The following ELP3 variants were observed in gnomAD, a reference collection of about 807,000 sequenced individuals.
ELP3 encodes the protein elongator acetyltransferase complex subunit 3.
Under a neutral mutation model 74.9 loss-of-function variants are expected in ELP3, and 56 were observed. The observed-to-expected ratio is 0.75, with a 90% CI of 0.60 to 0.93. ELP3 has a LOEUF of 0.93. Among genes scored for constraint, ELP3 ranks in the 40% least tolerant of loss-of-function variants. The pLI is 0.00. For synonymous variants in ELP3, 222 were observed against 239.8 expected (o/e 0.93, Z 0.68); for missense variants, 573 against 686.5 (o/e 0.83, Z 1.85).
intron 7 of ELP3, among the ~76,000 whole-genome samples, chr8:28,128,372 A>C (rs952814130): frequency 2.0e-5 from 3 of 152,132 alleles, no homozygotes; most frequent in Non-Finnish European, 2.9e-5. Context: ...GCTACTCGGG[A>C]GGCTGAAGCA....
At chr8:28,136,891 G>A (rs1813010973) in intron 9 of ELP3, among the ~76,000 whole-genome samples, 1 of 152,248 alleles carries the variant, frequency 6.6e-6, no homozygotes, top group Non-Finnish European at 1.5e-5. Context: ...AATGCCTGGT[G>A]TCTCATTGCT....
At chr8:28,154,846 T>C (rs1475469951) in intron 10 of ELP3, among the ~76,000 whole-genome samples, 2 of 152,220 alleles carry the variant, frequency 1.3e-5, no homozygotes, top group Non-Finnish European at 2.9e-5. Flanking sequence ...TATGTCACTC[T>C]CAGTTTGAAA....
In ELP3 at chr8:28,139,711, G is replaced by A. The variant is rs1011105231; in HGVS notation, c.1100+1820G>A. ...TGCAATCCCAGCATTTTGGGAGGCC[G>A]AAGTGGGCGGATTACCTGAGGTCAG... On this transcript the variant is annotated intron_variant, in intron 10 of 14. Transcript: ENST00000256398. Among the ~76,000 whole-genome samples the A allele has an allele frequency of 3.3e-5, 5 of 152,290 alleles. No homozygotes were observed. In the South Asian group the frequency reaches 8.3e-4, roughly 25 times the overall value.
At chr8:28,094,930 T>C (rs935908363) in intron 1 of ELP3, among the ~76,000 whole-genome samples, 10 of 152,222 alleles carry the variant, frequency 6.6e-5, no homozygotes, top group Admixed American at 6.5e-4. Context: ...TTTGTACCGA[T>C]AATATTCTTA....
At chr8:28,154,156 T>G (rs1354810864) in intron 10 of ELP3, among the ~76,000 whole-genome samples, 2 of 152,214 alleles carry the variant, frequency 1.3e-5, no homozygotes, top group African/African-American at 4.8e-5. Flanking sequence ...TGAGTTATAG[T>G]GCTGTGGCCA....
At chr8:28,115,037 A>C (rs1812069143) in intron 7 of ELP3, among the ~76,000 whole-genome samples, 1 of 152,132 alleles carries the variant, frequency 6.6e-6, no homozygotes, top group Admixed American at 6.5e-5. Flanking sequence ...CAAGCCTGAC[A>C]CTAAGGTTTT....
At chr8:28,108,218 A>C (rs1000054473) in intron 5 of ELP3, among the ~76,000 whole-genome samples, 1 of 152,194 alleles carries the variant, frequency 6.6e-6, no homozygotes, top group Non-Finnish European at 1.5e-5. Context: ...ATGCTGTTCT[A>C]AGTGCTTTAC....
At chr8:28,187,338 T>C (rs1421415447) in intron 14 of ELP3, among the ~76,000 whole-genome samples, 2 of 152,198 alleles carry the variant, frequency 1.3e-5, no homozygotes, top group African/African-American at 2.4e-5. Flanking sequence ...ATATTTACCG[T>C]GTACCTCACA....
At chr8:28,180,723 C>T (rs891949399) in intron 14 of ELP3, among the ~76,000 whole-genome samples, 7 of 152,194 alleles carry the variant, frequency 4.6e-5, no homozygotes, top group South Asian at 2.1e-4. Context: ...ATCTCAGAGT[C>T]GTAGTTGTCT....
intron 14 of ELP3, among the ~76,000 whole-genome samples, chr8:28,168,213 A>G (rs1485082537): frequency 6.6e-6 from 1 of 152,242 alleles, no homozygotes; most frequent in Non-Finnish European, 1.5e-5. Context: ...ATTATTGAAT[A>G]GGCCACTAAT....
intron 13 of ELP3, among the ~76,000 whole-genome samples, chr8:28,161,218 G>A (rs1814072072): frequency 6.6e-6 from 1 of 152,142 alleles, no homozygotes; most frequent in African/African-American, 2.4e-5. Context: ...CCTAATGGCG[G>A]ATATGATATA....
At chr8:28,179,813 C>T (rs1306962399) in intron 14 of ELP3, among the ~76,000 whole-genome samples, 1 of 152,070 alleles carries the variant, frequency 6.6e-6, no homozygotes, top group Non-Finnish European at 1.5e-5. Flanking sequence ...GGTTACTGCT[C>T]CTCAGGCAGT....
rs150280137 is a variant in ELP3 at position 28,112,878 on chromosome 8, A to G, written c.463-141A>G. 8.4e-4 allele frequency: 539 copies of G among 637,914 alleles called. 3 individuals carry two copies. In the African/African-American group the frequency reaches 9.6e-3, roughly 11 times the overall value. The allele number at this position is 637,914 out of a possible 1,614,324, so 39.5% of individuals were successfully genotyped here. ...AGACTTGGGCCTATTTTTTATCCAC[A>G]GAATTAGCTAAGTGTGTTTCATTAC... On this transcript the variant is annotated intron_variant, in intron 6 of 14. Coordinates refer to ENST00000256398, the MANE Select transcript of ELP3 (RefSeq NM_018091.6).
intron 7 of ELP3, among the ~76,000 whole-genome samples, chr8:28,116,175 T>C (rs1812124724): frequency 3.3e-5 from 5 of 152,142 alleles, no homozygotes; most frequent in Admixed American, 3.3e-4. Flanking sequence ...CTTAACTTCC[T>C]TTGTTCTCCT....
rs544020304 is a variant in ELP3, at chr8:28,127,086, G to A, written c.618-2416G>A. On this transcript the variant is annotated intron_variant, in intron 7 of 14. Transcript: ENST00000256398. ...GCTGCAAAAGGTAATGACATTTCCC[G>A]CCTGAGGAAAAACATTTTTGAAATG... is the stretch of plus-strand genomic sequence containing the variant. Among the ~76,000 whole-genome samples the A allele has an allele frequency of 1.2e-3, 176 of 152,032 alleles. 1 individual carries two copies. Among genetic ancestry groups the A allele is most frequent in the South Asian group, 9.1e-3 (44 of 4,814 alleles).
intron 14 of ELP3, among the ~76,000 whole-genome samples, chr8:28,168,923 C>A (rs1234537194): frequency 6.6e-6 from 1 of 152,206 alleles, no homozygotes; most frequent in Non-Finnish European, 1.5e-5. Context: ...CCTTCCTTAG[C>A]AGCAACCAAG....
intron 14 of ELP3, among the ~76,000 whole-genome samples, chr8:28,187,382 T>C (rs568474435): frequency 1.3e-5 from 2 of 152,326 alleles, no homozygotes; most frequent in Admixed American, 1.3e-4. Flanking sequence ...CTGGCAGCTC[T>C]ACAGTGAATA....
chr8:28,175,410 G>A (rs1043226185), intron 14 of ELP3, among the ~76,000 whole-genome samples: 7 of 152,072 alleles, frequency 4.6e-5, no homozygotes, highest in African/African-American at 1.7e-4. Flanking sequence ...AACTGCCATT[G>A]AACACCTCTA....
At chr8:28,113,741 A>C (rs1812012851) in intron 7 of ELP3, 1 of 152,164 alleles carries the variant, frequency 6.6e-6, no homozygotes, top group African/African-American at 2.4e-5. Context: ...CCTTCTTACT[A>C]CGTCATCACA....
Sources: gnomAD v4.1 joint callset for allele counts (sites outside exome capture counted in the v4.1 genomes callset) on GRCh38, gnomAD v4.1.1 for gene constraint, MANE v1.5 for transcripts, NCBI Gene and HGNC (gene_info 2026-07-23, HGNC 2026-07-21) for gene names.